RBFOX1: variants seen among roughly 807,000 people sequenced by gnomAD.
The protein encoded by RBFOX1 is RNA binding fox-1 homolog 1.
Under a neutral mutation model 57.7 loss-of-function variants are expected in RBFOX1, and 8 were observed. The ratio of observed to expected loss-of-function variants is 0.14; its 90% CI spans 0.08 to 0.25. The LOEUF (loss-of-function observed/expected upper bound fraction) is 0.25, where lower values mean the gene tolerates loss of function less well. Among genes scored for constraint, RBFOX1 ranks in the 10% least tolerant of loss-of-function variants. RBFOX1 has a pLI of 1.00. For missense variants in RBFOX1, 611 were observed against 548.5 expected (o/e 1.11, Z -1.14); for synonymous variants, 326 against 222.4 (o/e 1.47, Z -4.15).
At chr16:6,294,537 A>G (rs1270364122) in intron 1 of RBFOX1, among the ~76,000 whole-genome samples, 1 of 152,208 alleles carries the variant, frequency 6.6e-6, no homozygotes, top group African/African-American at 2.4e-5. Flanking sequence ...TGAAACAGGT[A>G]ACACTAAGTA....
chr16:6,328,241 G>A lies in RBFOX1; in HGVS notation c.-64+11184G>A, dbSNP rs535362554. On this transcript the variant is annotated intron_variant, in intron 2 of 15. Transcript: ENST00000550418. ...GGAGCTAAGCTATGAGAATGCAAAG[G>A]CATAAGAATGATGCAAGGAACTTTG... Among the ~76,000 whole-genome samples the A allele has an allele frequency of 4.6e-5, 7 of 152,232 alleles. No individual in the cohort carries two copies. The South Asian group carries it at 8.3e-4, about 18-fold the overall frequency.
intron 6 of RBFOX1, 27 bp downstream of exon 6, chr16:7,579,947 T>C (rs770945895): frequency 3.7e-6 from 6 of 1,611,098 alleles, no homozygotes; most frequent in African/African-American, 2.7e-5. Flanking sequence ...TTCCCAGCAG[T>C]GCCCGCTCTG....
intron 1 of RBFOX1, among the ~76,000 whole-genome samples, chr16:6,073,992 A>G (rs542821144): frequency 6.6e-6 from 1 of 152,236 alleles, no homozygotes; most frequent in Non-Finnish European, 1.5e-5. Context: ...TCTGTCGCCC[A>G]GAGTGGAGTG....
At chr16:6,914,104 T>G (rs2072456252) in intron 3 of RBFOX1, among the ~76,000 whole-genome samples, 2 of 152,272 alleles carry the variant, frequency 1.3e-5, no homozygotes, top group Non-Finnish European at 2.9e-5. Flanking sequence ...TGCTAAAACA[T>G]TTGGAATGAT....
At chr16:6,714,016 A>G (rs2064258268) in intron 3 of RBFOX1, among the ~76,000 whole-genome samples, 1 of 152,216 alleles carries the variant, frequency 6.6e-6, no homozygotes, top group African/African-American at 2.4e-5. Flanking sequence ...TTGAATTGTA[A>G]TACCCATGTG....
intron 2 of RBFOX1, among the ~76,000 whole-genome samples, chr16:6,594,943 C>G (rs2097762317): frequency 6.6e-6 from 1 of 152,114 alleles, no homozygotes; most frequent in Non-Finnish European, 1.5e-5. Flanking sequence ...TGCGTGCCAC[C>G]ACACCGGGCT....
At chr16:6,866,504 T>TTA (rs1247100643) in intron 3 of RBFOX1, among the ~76,000 whole-genome samples, 1 of 145,200 alleles carries the variant, frequency 6.9e-6, no homozygotes, top group South Asian at 2.2e-4. Flanking sequence ...GGACTTTTTT[T>TTA]AAAAAAAAAA....
At position 6,087,607 on chromosome 16, in the gene RBFOX1, T is replaced by C. The variant is rs544032971; in HGVS notation, c.-127+67615T>C. On this transcript the variant is annotated intron_variant, in intron 1 of 15. Coordinates refer to ENST00000550418, the MANE Select transcript of RBFOX1 (RefSeq NM_018723.4). The stretch of plus-strand genomic sequence containing the variant: ...TAAATAACTATATACTGTTCCATTG[T>C]ATGGATGCAGCATAGGAAACTCATT... Among the ~76,000 whole-genome samples, 5 of 152,250 alleles carry C rather than the reference T, an allele frequency of 3.3e-5. No homozygotes were observed. The East Asian group carries it at 5.8e-4, about 18-fold the overall frequency.
chr16:6,382,010 T>C (rs1334567522), intron 2 of RBFOX1, among the ~76,000 whole-genome samples: 1 of 152,216 alleles, frequency 6.6e-6, no homozygotes, highest in Non-Finnish European at 1.5e-5. Flanking sequence ...TTCAGGCCTT[T>C]TGGGCTGTGC....
chr16:5,430,085 T>C lies in RBFOX1; in HGVS notation c.220-37131T>C, dbSNP rs546551441. ...TCACTCATTCATCAGTAAGTATTTA[T>C]TGAGCTCCTCTGACAAATTCTCCAC... On this transcript the variant is annotated intron_variant, in intron 1 of 2. Transcript: ENST00000585867. Among the ~76,000 whole-genome samples the C allele has an allele frequency of 3.9e-5, 6 of 152,336 alleles. No individual in the cohort carries two copies. The South Asian group carries it at 1.2e-3, about 32-fold the overall frequency.
rs145818033 is a variant in RBFOX1 at position 5,792,407 on chromosome 16, C to G, written c.319-74896C>G. 2.1e-3 allele frequency among the ~76,000 whole-genome samples: 314 copies of G among 152,344 alleles called. 2 individuals are homozygous for G. The highest frequency in any genetic ancestry group is 7.4e-3 in the African/African-American group (308 of 41,564). On this transcript the variant is annotated intron_variant, in intron 3 of 19. Transcript: ENST00000641259. Reference sequence around the variant, plus strand: ...AATCCATGTATAACTTGTGACTCTACAAAAACTTACCTACTAATAGCCTAC... The same window carrying G: ...AATCCATGTATAACTTGTGACTCTAGAAAAACTTACCTACTAATAGCCTAC...
intron 4 of RBFOX1, among the ~76,000 whole-genome samples, chr16:7,253,665 C>T (rs1483768605): frequency 6.6e-6 from 1 of 152,174 alleles, no homozygotes; most frequent in Non-Finnish European, 1.5e-5. Flanking sequence ...TTTGACATCA[C>T]TTCTCCTTAC....
intron 1 of RBFOX1, among the ~76,000 whole-genome samples, chr16:5,371,154 G>A (rs1049500875): frequency 1.3e-5 from 2 of 151,676 alleles, no homozygotes; most frequent in African/African-American, 4.8e-5. Context: ...CACCATATTG[G>A]TCAGGCTAGT....
In RBFOX1 at chr16:7,449,714, A is replaced by ATGTG. The variant is rs777294270; in HGVS notation, c.28-68420_28-68417dup. On this transcript the variant is annotated intron_variant, in intron 4 of 15. Coordinates refer to ENST00000550418, the MANE Select transcript of RBFOX1 (RefSeq NM_018723.4). ...TTTAGCTGGAGAAAAAGAAACATGTATGTGTGTGTGTGTGTGGGGGGGGGG... is the reference window on the plus strand; with the variant it reads ...TTTAGCTGGAGAAAAAGAAACATGTATGTGTGTGTGTGTGTGTGTGGGGGGGGGG... 9.6e-5 allele frequency among the ~76,000 whole-genome samples: 9 copies of ATGTG among 93,402 alleles called. No homozygotes were observed. In the East Asian group the frequency reaches 2.6e-3, roughly 27 times the overall value. The allele number at this position is 93,402 out of a possible 152,430, so 61.3% of individuals were successfully genotyped here. A position where few individuals can be genotyped will look rare whatever the true frequency, so the allele number is the denominator to read the frequency against.
At chr16:6,974,632 A>G (rs1170481152) in intron 3 of RBFOX1, among the ~76,000 whole-genome samples, 1 of 152,082 alleles carries the variant, frequency 6.6e-6, no homozygotes, top group African/African-American at 2.4e-5. Flanking sequence ...GGCGTGAGTC[A>G]CTGCACCTGG....
At chr16:6,253,377 C>T (rs77775384) in intron 1 of RBFOX1, among the ~76,000 whole-genome samples, 1 of 152,120 alleles carries the variant, frequency 6.6e-6, no homozygotes, top group Non-Finnish European at 1.5e-5. Flanking sequence ...AACTTGCATG[C>T]ATGAACTCCT....
intron 3 of RBFOX1, among the ~76,000 whole-genome samples, chr16:5,685,273 G>A (rs915761113): frequency 6.6e-6 from 1 of 151,956 alleles, no homozygotes; most frequent in Admixed American, 6.5e-5. Flanking sequence ...CTTTGGTTCT[G>A]TTATGTTTTC....
rs1379999044 is a variant in RBFOX1, at chr16:5,921,777, A to G, written c.351+54442A>G. Among the ~76,000 whole-genome samples the G allele has an allele frequency of 2.0e-5, 3 of 152,038 alleles. No homozygotes were observed. The East Asian group carries it at 5.8e-4, about 29-fold the overall frequency. Reference sequence around the variant, plus strand: ...AGGAAGCTTCCAATTATGGTGGAAGATAAAGGGAGAGCAGGTGCATGACAT... The same window carrying G: ...AGGAAGCTTCCAATTATGGTGGAAGGTAAAGGGAGAGCAGGTGCATGACAT... On this transcript the variant is annotated intron_variant, in intron 4 of 19. Coordinates refer to the RBFOX1 transcript ENST00000641259.
intron 3 of RBFOX1, among the ~76,000 whole-genome samples, chr16:6,747,206 G>A (rs113387624): frequency 4.3e-4 from 65 of 152,198 alleles, no homozygotes; most frequent in African/African-American, 1.3e-3. Context: ...TCAGGAGTTC[G>A]AGACCAGCCT....
Sources: gnomAD v4.1 joint callset for allele counts (sites outside exome capture counted in the v4.1 genomes callset) on GRCh38, gnomAD v4.1.1 for gene constraint, MANE v1.5 for transcripts, NCBI Gene and HGNC (gene_info 2026-07-23, HGNC 2026-07-21) for gene names.